PDZD2: variants seen among roughly 807,000 people sequenced by gnomAD.
PDZD2 encodes the protein PDZ domain containing 2.
In PDZD2, 90 loss-of-function variants were observed where a neutral mutation model predicts 220.7. That is an observed-to-expected ratio of 0.41 (90% CI 0.34 to 0.49). The LOEUF (loss-of-function observed/expected upper bound fraction) is 0.49, where lower values mean the gene tolerates loss of function less well. Among genes scored for constraint, PDZD2 ranks in the 20% least tolerant of loss-of-function variants. PDZD2 has a pLI of 0.28. For synonymous variants in PDZD2, 1,375 were observed against 1,450.5 expected, an observed-to-expected ratio of 0.95 and a Z score of 1.18; for missense variants, 3,174 against 3,608.5, an observed-to-expected ratio of 0.88 and a Z score of 3.08.
intron 1 of PDZD2, among the ~76,000 whole-genome samples, chr5:31,733,230 C>T (rs1002894817): frequency 1.3e-5 from 2 of 152,046 alleles, no homozygotes; most frequent in African/African-American, 4.8e-5. Flanking sequence ...CCCTGGGGTG[C>T]TGGTGATGTT....
intron 1 of PDZD2, among the ~76,000 whole-genome samples, chr5:31,666,790 G>A (rs1746004866): frequency 6.6e-6 from 1 of 152,140 alleles, no homozygotes; most frequent in South Asian, 2.1e-4. Flanking sequence ...TCCAAGATAT[G>A]GGGTCCGTCT....
intron 6 of PDZD2, among the ~76,000 whole-genome samples, chr5:32,026,546 C>T (rs1035487167): frequency 3.3e-5 from 5 of 152,092 alleles, no homozygotes; most frequent in East Asian, 3.9e-4. Flanking sequence ...TATGCGTGCA[C>T]GTGCACGCAC....
intron 2 of PDZD2, among the ~76,000 whole-genome samples, chr5:31,856,278 C>T (rs1758436702): frequency 6.6e-6 from 1 of 152,108 alleles, no homozygotes; most frequent in African/African-American, 2.4e-5. Context: ...ACGGGACCCA[C>T]CCACAGTTAA....
intron 7 of PDZD2, among the ~76,000 whole-genome samples, chr5:32,044,147 G>A (rs182951509): frequency 6.6e-6 from 1 of 151,692 alleles, no homozygotes; most frequent in African/African-American, 2.4e-5. Flanking sequence ...TGGCCAACAC[G>A]GTGAAACCTC....
In PDZD2 at chr5:32,089,598, C is replaced by G. The variant is rs200324314; in HGVS notation, c.6150C>G (p.Asn2050Lys). 1 of 1,612,652 alleles carries G rather than the reference C, an allele frequency of 6.2e-7. No homozygotes were observed. Among genetic ancestry groups the G allele is most frequent in the Non-Finnish European group, 8.5e-7 (1 of 1,179,952 alleles). The change falls in exon 20 of 25, where the codon AAC becomes AAG. Residue 2050 changes from asparagine to lysine, a missense_variant. By Grantham distance (94) the Asn-to-Lys change is moderately conservative (BLOSUM62 0). Around this residue, in one of 4 missense-constraint regions of PDZD2, gnomAD observed 1,861 missense variants for 2,001.0 expected, o/e 0.93. Coordinates refer to ENST00000438447, the MANE Select transcript of PDZD2 (RefSeq NM_178140.4). ...GGAACGGCATGTCCGTGGCAGGGAA[C>G]AGACAGAGTGAGCCGCGCCTGGCCA... ...ASRNGMSVAG[N>K]RQSEPRLASH...
chr5:31,927,686 C>T (rs971212563), intron 2 of PDZD2, among the ~76,000 whole-genome samples: 2 of 152,022 alleles, frequency 1.3e-5, no homozygotes, highest in Admixed American at 1.3e-4. Flanking sequence ...CACCTGGCCT[C>T]CTGCTACTTT....
intron 17 of PDZD2, 98 bp from the exon 18 acceptor site, chr5:32,073,734 T>C (rs992144933): frequency 5.1e-6 from 4 of 779,378 alleles, no homozygotes; most frequent in South Asian, 5.0e-5. Context: ...TGTTAGTGAA[T>C]GTGGAAATGC....
intron 3 of PDZD2, among the ~76,000 whole-genome samples, chr5:31,989,416 C>CTTTTTTTTTTTTTTTTTTTTTTAT (rs1385913596): frequency 1.7e-5 from 2 of 120,680 alleles, no homozygotes; most frequent in African/African-American, 7.1e-5. Flanking sequence ...ACCACATTTT[C>CTTTTTTTTTTTTTTTTTTTTTTAT]TTTTCTTTTT....
chr5:32,024,556 T>A (rs1754469592), intron 6 of PDZD2, among the ~76,000 whole-genome samples: 1 of 151,908 alleles, frequency 6.6e-6, no homozygotes, highest in African/African-American at 2.4e-5. Context: ...GGTGGTGCAC[T>A]CCTGTTATCC....
chr5:31,867,457 AGTG>A (rs1738332565), intron 2 of PDZD2, among the ~76,000 whole-genome samples: 1 of 152,202 alleles, frequency 6.6e-6, no homozygotes, highest in African/African-American at 2.4e-5. Flanking sequence ...CTGCAGAAGA[AGTG>A]GTTTCCTTCA....
Position 31,746,903 on chromosome 5 carries a change from T to C in PDZD2, c.-360-51986T>C, listed in dbSNP as rs142550070. 2.8e-4 allele frequency among the ~76,000 whole-genome samples: 42 copies of C among 152,296 alleles called. No homozygotes were observed. The East Asian group carries it at 7.3e-3, about 27-fold the overall frequency. ...AGTTTTGTAGGTCATGCGCTGGGCG[T>C]GGTGGCTCACGCCTGTAATCTCAGC... On this transcript the variant is annotated intron_variant, in intron 1 of 24. Coordinates refer to ENST00000438447, the MANE Select transcript of PDZD2 (RefSeq NM_178140.4).
intron 2 of PDZD2, among the ~76,000 whole-genome samples, chr5:31,880,455 A>AT (rs1306617175): frequency 6.6e-6 from 1 of 152,200 alleles, no homozygotes; most frequent in Non-Finnish European, 1.5e-5. Context: ...GTATGAATGG[A>AT]TAGAAGTAAG....
intron 2 of PDZD2, among the ~76,000 whole-genome samples, chr5:31,938,263 G>A (rs1164605845): frequency 6.6e-6 from 1 of 152,228 alleles, no homozygotes; most frequent in Non-Finnish European, 1.5e-5. Context: ...AATGTGATCA[G>A]TGGGTTGATG....
chr5:31,724,678 G>A lies in PDZD2; in HGVS notation c.-360-74211G>A, dbSNP rs138190792. Among the ~76,000 whole-genome samples the A allele has an allele frequency of 2.2e-4, 34 of 151,602 alleles. No individual in the cohort carries two copies. The East Asian group carries it at 5.6e-3, about 25-fold the overall frequency. On this transcript the variant is annotated intron_variant, in intron 1 of 24. Coordinates refer to ENST00000438447, the MANE Select transcript of PDZD2 (RefSeq NM_178140.4). ...TTGGCATCATTCCCCAAGACAGTGG[G>A]GTTAACAAAAAAACAAATCCACGCT...
intron 2 of PDZD2, among the ~76,000 whole-genome samples, chr5:31,874,696 G>T (rs556835026): frequency 5.3e-4 from 81 of 151,788 alleles, no homozygotes; most frequent in African/African-American, 1.8e-3. Flanking sequence ...AGAAGGCAGA[G>T]GTTGCAGTGA....
Position 31,682,948 on chromosome 5 carries a change from C to G in PDZD2, c.-361+43511C>G, listed in dbSNP as rs148754629. Among the ~76,000 whole-genome samples the G allele has an allele frequency of 1.6e-4, 25 of 152,224 alleles. No individual in the cohort carries two copies. The East Asian group carries it at 4.8e-3, about 29-fold the overall frequency. On this transcript the variant is annotated intron_variant, in intron 1 of 24. Coordinates refer to ENST00000438447, the MANE Select transcript of PDZD2 (RefSeq NM_178140.4). ...CCAGCTGTGTGAACCCCGTGACACT[C>G]TCACCGCCCCCAAGTCAGATGGGAG...
At chr5:32,107,317 T>C (rs184097090) in intron 24 of PDZD2, 9 of 152,324 alleles carry the variant, frequency 5.9e-5, no homozygotes, top group African/African-American at 2.2e-4. Flanking sequence ...TTCTCAGAAC[T>C]TGCATATATC....
intron 2 of PDZD2, among the ~76,000 whole-genome samples, chr5:31,977,436 T>C (rs903842572): frequency 6.6e-5 from 10 of 152,196 alleles, no homozygotes; most frequent in African/African-American, 2.4e-4. Context: ...CCCTCTCTTA[T>C]CTATTTTCTT....
At chr5:32,004,391 T>C (rs13185093) in intron 5 of PDZD2, among the ~76,000 whole-genome samples, 54,022 of 151,938 alleles carry the variant, frequency 0.36, 11,019 homozygotes, top group African/African-American at 0.57. Context: ...TTCAAAACCA[T>C]CCTGGGCAAA....
Sources: allele counts gnomAD v4.1 joint callset (sites outside exome capture counted in the v4.1 genomes callset), GRCh38; gene constraint gnomAD v4.1.1; regional missense constraint gnomAD v4.1.1; transcripts MANE v1.5; gene names NCBI Gene and HGNC (gene_info 2026-07-23, HGNC 2026-07-21).